The following PDZRN4 variants were observed in gnomAD, a reference collection of about 807,000 sequenced individuals.
PDZRN4 encodes the protein PDZ domain containing ring finger 4, also known as PDZ domain-containing RING finger protein 4.
Under a neutral mutation model 99.0 loss-of-function variants are expected in PDZRN4, and 70 were observed. The observed-to-expected ratio is 0.71, with a 90% confidence interval of 0.58 to 0.86. The LOEUF is 0.86. Ranked by LOEUF, PDZRN4 falls within the 40% of genes least tolerant of loss-of-function variation. The pLI is 0.00. For synonymous variants in PDZRN4, 551 were observed against 501.6 expected, an observed-to-expected ratio of 1.10 and a Z score of -1.32; for missense variants, 1,474 against 1,331.2, an observed-to-expected ratio of 1.11 and a Z score of -1.67.
intron 3 of PDZRN4, among the ~76,000 whole-genome samples, chr12:41,313,594 T>C (rs534245065): frequency 6.6e-6 from 1 of 152,126 alleles, no homozygotes; most frequent in Non-Finnish European, 1.5e-5. Flanking sequence ...AATAGGCACC[T>C]CTGTTGAGAT....
intron 3 of PDZRN4, among the ~76,000 whole-genome samples, chr12:41,506,249 A>G (rs1008090503): frequency 3.3e-5 from 5 of 152,196 alleles, no homozygotes; most frequent in African/African-American, 1.2e-4. Flanking sequence ...GATACTTTAT[A>G]AAGATACAGA....
At chr12:41,459,836 G>T in intron 3 of PDZRN4, 1 of 697,342 alleles carries the variant, frequency 1.4e-6, no homozygotes, top group Non-Finnish European at 2.0e-6. Flanking sequence ...TACATTCAGG[G>T]GTATTGGGAA....
intron 3 of PDZRN4, among the ~76,000 whole-genome samples, chr12:41,216,923 C>T (rs1950924863): frequency 6.6e-6 from 1 of 152,002 alleles, no homozygotes; most frequent in Non-Finnish European, 1.5e-5. Context: ...ATAATAAATG[C>T]CTTGTATAGA....
chr12:41,470,367 G>GT (rs1302886029), intron 3 of PDZRN4, among the ~76,000 whole-genome samples: 1 of 152,044 alleles, frequency 6.6e-6, no homozygotes, highest in Admixed American at 6.6e-5. Context: ...TTTTGTTTGG[G>GT]TTTTTTTGTA....
chr12:41,447,713 C>G (rs999566724), intron 3 of PDZRN4, among the ~76,000 whole-genome samples: 1 of 152,094 alleles, frequency 6.6e-6, no homozygotes, highest in Non-Finnish European at 1.5e-5. Context: ...AGTCAAGTAA[C>G]AAATTCATAT....
chr12:41,262,238 G>A (rs1331404160), intron 3 of PDZRN4, among the ~76,000 whole-genome samples: 1 of 152,082 alleles, frequency 6.6e-6, no homozygotes, highest in Non-Finnish European at 1.5e-5. Flanking sequence ...TTATAGTTTT[G>A]CCTGCTGAAA....
chr12:41,563,720 A>G (rs991980323), intron 8 of PDZRN4, 71 bp downstream of exon 8: 2 of 996,296 alleles, frequency 2.0e-6, no homozygotes, highest in Non-Finnish European at 1.6e-6. Context: ...TAAATTCGTG[A>G]ATGAATTATA....
At chr12:41,349,357 G>A (rs1280198608) in intron 3 of PDZRN4, among the ~76,000 whole-genome samples, 1 of 151,554 alleles carries the variant, frequency 6.6e-6, no homozygotes, top group Non-Finnish European at 1.5e-5. Context: ...TTGAACAAAA[G>A]AGAAGACTGA....
intron 3 of PDZRN4, among the ~76,000 whole-genome samples, chr12:41,404,603 A>G (rs1481426677): frequency 2.0e-5 from 3 of 152,148 alleles, no homozygotes; most frequent in Admixed American, 6.6e-5. Context: ...TACAGATCCA[A>G]TGTACTTCCT....
At chr12:41,392,596 C>T (rs1408910234) in intron 3 of PDZRN4, among the ~76,000 whole-genome samples, 1 of 152,126 alleles carries the variant, frequency 6.6e-6, no homozygotes, top group Non-Finnish European at 1.5e-5. Flanking sequence ...TCAGAATGTC[C>T]TCCCCTTACT....
intron 3 of PDZRN4, among the ~76,000 whole-genome samples, chr12:41,425,818 G>C (rs1952531445): frequency 6.6e-6 from 1 of 151,958 alleles, no homozygotes; most frequent in South Asian, 2.1e-4. Context: ...AAATATAGTG[G>C]GTTCAGTATT....
At chr12:41,275,304 C>A (rs1565539163) in intron 3 of PDZRN4, among the ~76,000 whole-genome samples, 1 of 152,242 alleles carries the variant, frequency 6.6e-6, no homozygotes, top group South Asian at 2.1e-4. Flanking sequence ...CTCTTACTGG[C>A]TCATTTTTCT....
chr12:41,368,144 C>G (rs993443223), intron 3 of PDZRN4, among the ~76,000 whole-genome samples: 1 of 152,012 alleles, frequency 6.6e-6, no homozygotes, highest in African/African-American at 2.4e-5. Flanking sequence ...AAAATAAGAT[C>G]GTTCCTCACC....
chr12:41,227,876 T>TACAC lies in PDZRN4; in HGVS notation c.843+33729_843+33732dup, dbSNP rs138441771. Among the ~76,000 whole-genome samples the TACAC allele has an allele frequency of 5.3e-3, 496 of 94,208 alleles. 2 individuals are homozygous for TACAC. The highest frequency in any genetic ancestry group is 0.015 in the African/African-American group (442 of 29,722). 61.8% of individuals were successfully genotyped at this position (94,208 alleles called of 152,430 possible). ...TGTCTTAAGAAAACAAGCAAAAATC[T>TACAC]ACACACACACACACACACACACACA... On this transcript the variant is annotated intron_variant, in intron 3 of 9. Transcript: ENST00000402685.
intron 3 of PDZRN4, among the ~76,000 whole-genome samples, chr12:41,426,091 G>A (rs1026039101): frequency 6.6e-6 from 1 of 152,182 alleles, no homozygotes; most frequent in East Asian, 1.9e-4. Context: ...ATCCATCAAT[G>A]TATAATGCTT....
intron 3 of PDZRN4, among the ~76,000 whole-genome samples, chr12:41,201,010 A>G (rs555313427): frequency 7.9e-5 from 12 of 152,058 alleles, no homozygotes; most frequent in Middle Eastern, 3.4e-3. Flanking sequence ...TCTGCTATCT[A>G]TAACTCCACT....
chr12:41,351,783 G>C (rs1951891973), intron 3 of PDZRN4, among the ~76,000 whole-genome samples: 1 of 151,970 alleles, frequency 6.6e-6, no homozygotes, highest in Non-Finnish European at 1.5e-5. Context: ...ATAAGGCTAA[G>C]GACAATAATT....
rs201565290 is a variant in PDZRN4 at position 41,565,508 on chromosome 12, CATT to C, written c.1467+1860_1467+1862del. On this transcript the variant is annotated intron_variant, in intron 8 of 9. Transcript: ENST00000402685. ...TTTTTCCATTGAACTCAATTTATCT[CATT>C]GTTGTATGTTTTTTTTTTGCGTGTG... Among the ~76,000 whole-genome samples the C allele has an allele frequency of 8.9e-3, 1,166 of 130,380 alleles. 12 individuals are homozygous for C. Among genetic ancestry groups the C allele is most frequent in the African/African-American group, 0.038 (1,093 of 29,136 alleles). 85.5% of individuals were successfully genotyped at this position (130,380 alleles called of 152,430 possible).
At chr12:41,493,301 A>G (rs1047165565) in intron 3 of PDZRN4, among the ~76,000 whole-genome samples, 32 of 152,228 alleles carry the variant, frequency 2.1e-4, no homozygotes, top group African/African-American at 7.0e-4. Flanking sequence ...CATTGGCAGG[A>G]TTGTTTTATC....
Sources: gnomAD v4.1 joint callset for allele counts (sites outside exome capture counted in the v4.1 genomes callset) on GRCh38, gnomAD v4.1.1 for gene constraint, MANE v1.5 for transcripts, NCBI Gene and HGNC (gene_info 2026-07-23, HGNC 2026-07-21) for gene names.